The following PKD1 variants were observed in gnomAD, a reference collection of about 807,000 sequenced individuals.
PKD1 encodes the protein polycystin 1, transient receptor potential channel interacting.
PKD1 carries 81 observed loss-of-function variants against 361.7 expected under a neutral mutation model. That is an observed-to-expected ratio of 0.22 (90% CI 0.19 to 0.27). The LOEUF is 0.27. Among genes scored for constraint, PKD1 ranks in the 10% least tolerant of loss-of-function variants. PKD1 has a pLI of 1.00. For missense variants in PKD1, 6,399 were observed against 6,118.3 expected (o/e 1.05, Z -1.53); for synonymous variants, 3,615 against 2,818.3 (o/e 1.28, Z -8.95).
Position 2,118,155 on chromosome 16 carries a change from C to A in PKD1, c.837G>T (p.Gly279=), listed in dbSNP as rs372124319. 1 of 1,581,796 alleles carries A rather than the reference C, an allele frequency of 6.3e-7. No homozygotes were observed. The highest frequency in any genetic ancestry group is 1.3e-5 in the African/African-American group (1 of 74,306). ...FPASPGATLV[G]PHGPLASGQL... is the part of the protein sequence containing the mutation. Reference sequence around the variant, plus strand: ...GGCCAGAGGCCAGAGGTCCGTGGGGCCCCACCAGGGTGGCCCCTGGGGAGG... The same window carrying A: ...GGCCAGAGGCCAGAGGTCCGTGGGGACCCACCAGGGTGGCCCCTGGGGAGG... Residue 279 remains glycine, a synonymous_variant, in exon 5 of 46, where the codon GGG becomes GGT. Transcript: ENST00000262304. The surrounding 1 kb of genome is among the most constrained non-coding windows in gnomAD (Gnocchi z 6.0).
Position 2,092,236 on chromosome 16 carries a change from C to T in PKD1, c.11270-48G>A, listed in dbSNP as rs753376733. 3.9e-6 allele frequency: 6 copies of T among 1,540,482 alleles called. No homozygotes were observed. In the East Asian group the frequency reaches 9.8e-5, roughly 25 times the overall value. ...CCGGGGCCAGGGCCTCATCAAAACC[C>T]AACAGGAGTGTTTCCTGCTGGCCAG... On this transcript the variant is annotated intron_variant, in intron 39 of 45. Coordinates refer to ENST00000262304, the MANE Select transcript of PKD1 (RefSeq NM_001009944.3).
Position 2,093,867 on chromosome 16 carries a change from G to C in PKD1, c.10765C>G (p.Leu3589Val), listed in dbSNP as rs766006113. 3 of 1,570,762 alleles carry C rather than the reference G, an allele frequency of 1.9e-6. No individual in the cohort carries two copies. Among genetic ancestry groups the C allele is most frequent in the Middle Eastern group, 1.7e-4 (1 of 6,016 alleles). The change falls in exon 36 of 46, where the codon CTC (leucine) becomes GTC (valine). Residue 3589 changes from leucine to valine, a missense_variant. By Grantham distance (32) the Leu-to-Val change is conservative. Transcript: ENST00000262304. ...SFPPGVSVAW[L>V]LSSSASFLAS... The stretch of plus-strand genomic sequence containing the variant: ...AGGAAGCTGGCGCTGCTGGACAGGA[G>C]CCACGCAACACTCACGCCCGGGGGG...
chr16:2,123,444 G>A (rs1439834538), intron 1 of PKD1: 2 of 456,432 alleles, frequency 4.4e-6, no homozygotes, highest in Admixed American at 2.3e-5. Flanking sequence ...AACAGCACAG[G>A]GGTCCCCGTG....
rs369544915 is a variant in PKD1 at position 2,090,932 on chromosome 16, G to C, written c.11955C>G (p.Ser3985=). The stretch of plus-strand genomic sequence containing the variant: ...GCGAGGCCGCCAGGCCACGGGCTGC[G>C]GAGCTCAGCTGCGCCACCTGGTCGA... The part of the protein sequence containing the change: ...TSFDQVAQLS[S]AARGLAASLL... Residue 3985 remains serine (S), a synonymous_variant, in exon 43 of 46, where the codon TCC becomes TCG. Transcript: ENST00000262304. 4.5e-5 allele frequency: 71 copies of C among 1,578,306 alleles called. No homozygotes were observed. The African/African-American group carries it at 4.7e-4, about 10-fold the overall frequency.
intron 10 of PKD1, 47 bp downstream of exon 10, chr16:2,115,331 G>A (rs1447706520): frequency 1.4e-6 from 2 of 1,444,794 alleles, no homozygotes; most frequent in Non-Finnish European, 1.9e-6. Context: ...AGACAGGAAG[G>A]TGGCCTGAGG....
chr16:2,112,018 G>C lies in PKD1; in HGVS notation c.3296-147C>G. ...GGTCCCAGGCTCCCAAGCCACGTGC[G>C]GGACGGAGCACAGGTGTAGCAGCAC... On this transcript the variant is annotated intron_variant, in intron 14 of 45. Transcript: ENST00000262304. 7.0e-6 allele frequency: 6 copies of C among 859,242 alleles called. No individual in the cohort carries two copies. In the South Asian group the frequency reaches 9.2e-5, roughly 13 times the overall value. The allele number at this position is 859,242 out of a possible 1,614,324, so 53.2% of individuals were successfully genotyped here.
Position 2,090,725 on chromosome 16 carries a change from GA to G in PKD1, c.12086del (p.Val4029AlafsTer10). ...LCRALPELLG[V>X]TLGLVVLGVA... ...CCCCGAGCACCACCAGGCCCAAGGT[GA>G]CCCCCAGGAGCTCTGGCAGAGCTCG... On this transcript the variant is annotated frameshift_variant, in exon 44 of 46. Coordinates refer to ENST00000262304, the MANE Select transcript of PKD1 (RefSeq NM_001009944.3). LOFTEE classifies it high-confidence loss of function. The G allele has an allele frequency of 6.2e-7, 1 of 1,612,552 alleles. No individual in the cohort carries two copies. The highest frequency in any genetic ancestry group is 8.5e-7 in the Non-Finnish European group (1 of 1,179,944).
chr16:2,130,717 G>A (rs1432070512), intron 1 of PKD1, among the ~76,000 whole-genome samples: 4 of 152,194 alleles, frequency 2.6e-5, no homozygotes, highest in Admixed American at 2.0e-4. Context: ...TGTCTTCCCC[G>A]ACGCCAATCC....
At position 2,109,086 on chromosome 16, in the gene PKD1, G is replaced by C. The variant is rs767444189; in HGVS notation, c.6081C>G (p.Thr2027=). The C allele has an allele frequency of 6.2e-7, 1 of 1,604,096 alleles. No homozygotes were observed. Among genetic ancestry groups the C allele is most frequent in the Non-Finnish European group, 8.5e-7 (1 of 1,174,270 alleles). The part of the protein sequence containing the change: ...SLVILSGRDV[T]YTPVAAGLLE... Reference sequence around the variant, plus strand: ...ACAGCCCCGCGGCCACGGGCGTGTAGGTGACGTCGCGGCCCGACAGGATGA... The same window carrying C: ...ACAGCCCCGCGGCCACGGGCGTGTACGTGACGTCGCGGCCCGACAGGATGA... The change falls in exon 15 of 46, where the codon ACC becomes ACG. Residue 2027 remains threonine, a synonymous_variant. Coordinates refer to ENST00000262304, the MANE Select transcript of PKD1 (RefSeq NM_001009944.3).
At chr16:2,124,353 GC>G (rs2092766580) in intron 1 of PKD1, among the ~76,000 whole-genome samples, 3 of 152,232 alleles carry the variant, frequency 2.0e-5, no homozygotes, top group Admixed American at 6.5e-5. Flanking sequence ...GGTGTTCCCA[GC>G]CAGGCGCTGG....
chr16:2,112,315 GCCCCCTCA>G lies in PKD1; in HGVS notation c.3295+17_3295+24del. 3.2e-6 allele frequency: 5 copies of G among 1,576,642 alleles called. No individual in the cohort carries two copies. The highest frequency in any genetic ancestry group is 1.4e-5 in the African/African-American group (1 of 73,738). On this transcript the variant is annotated intron_variant, in intron 14 of 45. Transcript: ENST00000262304. The stretch of plus-strand genomic sequence containing the variant: ...CGTGCTCAGAGCCTGAAAGGCAGTG[GCCCCCTCA>G]CCCCCTCATCCCTCACCTGGGGCAG...
Position 2,090,892 on chromosome 16 carries a change from A to G in PKD1, c.11995T>C (p.Leu3999=). ...GLAASLLFLL[L]VKAAQQLRFV... ...ACCGGCCCAGCCCTCACCTTGACCA[A>G]AAGCAGGAAGAGCAGCGAGGCCGCC... Residue 3999 remains leucine, a synonymous_variant, in exon 43 of 46, where the codon TTG becomes CTG. Transcript: ENST00000262304. The G allele has an allele frequency of 6.2e-7, 1 of 1,602,792 alleles. No individual in the cohort carries two copies. Among genetic ancestry groups the G allele is most frequent in the Non-Finnish European group, 8.5e-7 (1 of 1,179,238 alleles).
At chr16:2,115,683 G>T in intron 9 of PKD1, 58 bp from the exon 10 acceptor site, 2 of 1,512,214 alleles carry the variant, frequency 1.3e-6, no homozygotes, top group Non-Finnish European at 1.8e-6. Flanking sequence ...CGTCAGAGAT[G>T]CCCAACTGCC....
rs760675529 is a variant in PKD1 at position 2,108,723 on chromosome 16, C to T, written c.6444G>A (p.Glu2148=). 1.3e-6 allele frequency: 2 copies of T among 1,571,438 alleles called. No individual in the cohort carries two copies. The highest frequency in any genetic ancestry group is 2.3e-5 in the South Asian group (2 of 86,240). ...TVTVQVLACR[E]PEVDVVLPLQ... is the part of the protein sequence containing the mutation. ...GGGGCAGGACCACGTCCACCTCCGG[C>T]TCCCGGCAGGCCAGCACCTGGACGG... The change falls in exon 15 of 46, where the codon GAG becomes GAA. Residue 2148 remains glutamate, a synonymous_variant. Coordinates refer to ENST00000262304, the MANE Select transcript of PKD1 (RefSeq NM_001009944.3).
At position 2,100,175 on chromosome 16, in the gene PKD1, G is replaced by C. The variant is rs2092034438; in HGVS notation, c.9703C>G (p.Leu3235Val). The change falls in exon 28 of 46, where the codon CTG becomes GTG. Residue 3235 changes from leucine (L) to valine (V), a missense_variant. Physicochemically the swap from Leu to Val is conservative, Grantham distance 32. Coordinates refer to ENST00000262304, the MANE Select transcript of PKD1 (RefSeq NM_001009944.3). This position sits in a 1 kb window ranked among gnomAD's most constrained non-coding sequence, Gnocchi z 4.4. ...TGGAACGAGGCCTTACTCGCGGCCAGCACCTCCTTCTCCACCAGGCCCCCG... is the reference window on the plus strand; with the variant it reads ...TGGAACGAGGCCTTACTCGCGGCCACCACCTCCTTCTCCACCAGGCCCCCG... ...ANGGLVEKEV[L>V]AASDAALLRF... is the part of the protein sequence containing the mutation. 2 of 1,608,654 alleles carry C rather than the reference G, an allele frequency of 1.2e-6. No homozygotes were observed. Among genetic ancestry groups the C allele is most frequent in the East Asian group, 4.5e-5 (2 of 44,856 alleles).
In PKD1 at chr16:2,108,855, G is replaced by C; in HGVS notation, c.6312C>G (p.Asp2104Glu). 1 of 1,574,666 alleles carries C rather than the reference G, an allele frequency of 6.4e-7. No individual in the cohort carries two copies. Among genetic ancestry groups the C allele is most frequent in the Non-Finnish European group, 8.6e-7 (1 of 1,161,294 alleles). ...AGTGCTCGGCCCTGGGCTCATCTGT[G>C]TCCTGCCCTGGCGACCCATCCCCAA... ...WDFGDGSPGQDTDEPRAEHSY... is the reference protein window; with the variant it reads ...WDFGDGSPGQETDEPRAEHSY... The change falls in exon 15 of 46, where the codon GAC becomes GAG. Residue 2104 changes from aspartate (D) to glutamate (E), a missense_variant. Transcript: ENST00000262304.
rs1449224328 is a variant in PKD1, at chr16:2,093,059, G to A, written c.11051C>T (p.Thr3684Ile). 3.1e-6 allele frequency: 5 copies of A among 1,612,742 alleles called. No homozygotes were observed. Among genetic ancestry groups the A allele is most frequent in the Admixed American group, 1.7e-5 (1 of 60,006 alleles). ...GGCATCCCCATAGCTGGCCAGCAGGGTCACCAGCAGAAAAAGCATGTACAC... is the reference window on the plus strand; with the variant it reads ...GGCATCCCCATAGCTGGCCAGCAGGATCACCAGCAGAAAAAGCATGTACAC... ...LLVYMLFLLV[T>I]LLASYGDASC... Residue 3684 changes from threonine (T) to isoleucine (I), a missense_variant, in exon 38 of 46, where the codon ACC becomes ATC. Thr to Ile is a moderately conservative substitution (Grantham distance 89). Transcript: ENST00000262304.
chr16:2,118,153 G>A lies in PKD1; in HGVS notation c.839C>T (p.Pro280Leu). ...CTGGCCAGAGGCCAGAGGTCCGTGG[G>A]GCCCCACCAGGGTGGCCCCTGGGGA... ...PASPGATLVGPHGPLASGQLA... is the reference protein window; with the variant it reads ...PASPGATLVGLHGPLASGQLA... Residue 280 changes from proline to leucine, a missense_variant, in exon 5 of 46, where the codon CCC becomes CTC. Coordinates refer to ENST00000262304, the MANE Select transcript of PKD1 (RefSeq NM_001009944.3). This position sits in a 1 kb window ranked among gnomAD's most constrained non-coding sequence, Gnocchi z 6.0. 1 of 1,582,504 alleles carries A rather than the reference G, an allele frequency of 6.3e-7. No individual in the cohort carries two copies. Among genetic ancestry groups the A allele is most frequent in the Non-Finnish European group, 8.6e-7 (1 of 1,166,866 alleles).
chr16:2,099,317 T>C, intron 30 of PKD1: 1 of 386,984 alleles, frequency 2.6e-6, no homozygotes, highest in South Asian at 2.1e-5. Context: ...CCTATAGATG[T>C]ACTGAGATTT....
Sources: allele counts gnomAD v4.1 joint callset (sites outside exome capture counted in the v4.1 genomes callset), GRCh38; gene constraint gnomAD v4.1.1; non-coding constraint Gnocchi (gnomAD v3.1); transcripts MANE v1.5; gene names NCBI Gene and HGNC (gene_info 2026-07-23, HGNC 2026-07-21).